The following AXL variants were observed in gnomAD, a reference collection of about 807,000 sequenced individuals.
AXL encodes the protein tyrosine-protein kinase receptor UFO.
A neutral mutation model predicts 104.5 loss-of-function variants in AXL; 52 were observed. That is an observed-to-expected ratio of 0.50 (90% CI 0.40 to 0.63). AXL has a LOEUF of 0.63. Among genes scored for constraint, AXL ranks in the 20% least tolerant of loss-of-function variants. The pLI is 0.00. For synonymous variants in AXL, 455 were observed against 473.7 expected (o/e 0.96, Z 0.51); for missense variants, 1,024 against 1,188.5 (o/e 0.86, Z 2.04).
At chr19:41,233,046 G>A (rs1393110121) in intron 6 of AXL, among the ~76,000 whole-genome samples, 1 of 151,376 alleles carries the variant, frequency 6.6e-6, no homozygotes, top group East Asian at 1.9e-4. Context: ...CTGGAGTGCT[G>A]TGGCGTGATC....
intron 3 of AXL, 52 bp downstream of exon 3, chr19:41,221,298 T>C (rs772705160): frequency 3.8e-5 from 59 of 1,539,254 alleles, no homozygotes; most frequent in Non-Finnish European, 4.9e-5. Flanking sequence ...GTGGCGCTCA[T>C]AGGTTGTGGG....
intron 8 of AXL, 76 bp from the exon 9 acceptor site, chr19:41,239,088 G>A: frequency 1.9e-6 from 3 of 1,545,788 alleles, no homozygotes; most frequent in Non-Finnish European, 2.6e-6. Flanking sequence ...AAAGAGATGG[G>A]GCATTGAGCC....
In AXL at chr19:41,220,745, C is replaced by G; in HGVS notation, c.195C>G (p.Pro65=). 1 of 1,614,146 alleles carries G rather than the reference C, an allele frequency of 6.2e-7. No individual in the cohort carries two copies. Among genetic ancestry groups the G allele is most frequent in the Middle Eastern group, 1.6e-4 (1 of 6,062 alleles). Residue 65 remains proline (P), a synonymous_variant, in exon 2 of 20, where the codon CCC becomes CCG. Transcript: ENST00000301178. ...AGCTCCAGGTTCAGGGAGAGCCCCC[C>G]GAGGTACATTGGCTTCGGGATGGAC... ...RCQLQVQGEP[P]EVHWLRDGQI... is the part of the protein sequence containing the mutation.
intron 18 of AXL, among the ~76,000 whole-genome samples, chr19:41,256,977 G>C (rs556521654): frequency 1.3e-5 from 2 of 152,224 alleles, no homozygotes; most frequent in Non-Finnish European, 2.9e-5. Context: ...GTGATGGTGA[G>C]CATGTGTATG....
Position 41,243,701 on chromosome 19 carries a change from G to A in AXL, c.1531G>A (p.Ala511Thr), listed in dbSNP as rs377666344. Reference protein sequence around the residue: ...RKSYSRRTTEATLNSLGISEE... With the variant: ...RKSYSRRTTETTLNSLGISEE... Reference sequence around the variant, plus strand: ...GTCCTACAGTCGTCGGACCACTGAAGCTACCTGTAAGTGAACCCTATGCCC... The same window carrying A: ...GTCCTACAGTCGTCGGACCACTGAAACTACCTGTAAGTGAACCCTATGCCC... Residue 511 changes from alanine (A) to threonine (T), a missense_variant, in exon 12 of 20, where the codon GCT becomes ACT. Physicochemically the swap from Ala to Thr is moderately conservative, Grantham distance 58 (BLOSUM62 0). Transcript: ENST00000301178. The A allele has an allele frequency of 9.3e-6, 15 of 1,613,622 alleles. No homozygotes were observed. In the African/African-American group the frequency reaches 1.9e-4, roughly 20 times the overall value.
chr19:41,238,101 G>A lies in AXL; in HGVS notation c.941G>A (p.Ser314Asn), dbSNP rs1599733358. ...PYHIRVACTSSQGPSSWTHWL... is the reference protein window; with the variant it reads ...PYHIRVACTSNQGPSSWTHWL... ...CACATCCGCGTGGCATGCACCAGCA[G>A]CCAGGGCCCCTCATCCTGGACCCAC... is the stretch of plus-strand genomic sequence containing the variant. The change falls in exon 7 of 20, where the codon AGC (serine) becomes AAC (asparagine). Residue 314 changes from serine to asparagine, a missense_variant. By Grantham distance (46) the Ser-to-Asn change is conservative. This residue lies in a region of AXL where 332 missense variants were observed against 343.9 expected (regional missense o/e 0.97). Coordinates refer to ENST00000301178, the MANE Select transcript of AXL (RefSeq NM_021913.5). 1 of 1,614,032 alleles carries A rather than the reference G, an allele frequency of 6.2e-7. No homozygotes were observed. Among genetic ancestry groups the A allele is most frequent in the Non-Finnish European group, 8.5e-7 (1 of 1,180,002 alleles).
At chr19:41,240,083 G>A (rs771371144) in intron 10 of AXL, among the ~76,000 whole-genome samples, 2 of 151,438 alleles carry the variant, frequency 1.3e-5, no homozygotes, top group Non-Finnish European at 2.9e-5. Context: ...AGATGGATGG[G>A]TGGATGGATG....
chr19:41,223,325 G>A (rs1409592262), intron 4 of AXL, among the ~76,000 whole-genome samples: 1 of 152,054 alleles, frequency 6.6e-6, no homozygotes, highest in African/African-American at 2.4e-5. Flanking sequence ...ATGAAAGACA[G>A]GACAGGGAAG....
At chr19:41,243,172 A>G (rs1270478405) in intron 11 of AXL, among the ~76,000 whole-genome samples, 157 bp downstream of exon 11, 2 of 152,144 alleles carry the variant, frequency 1.3e-5, no homozygotes, top group Admixed American at 1.3e-4. Context: ...TAATCCCAGC[A>G]CTTTGGGAGG....
At chr19:41,257,709 G>T (rs2034477410) in intron 19 of AXL, 80 bp downstream of exon 19, 2 of 1,562,932 alleles carry the variant, frequency 1.3e-6, no homozygotes, top group Non-Finnish European at 1.8e-6. Context: ...ACAGGTCCAG[G>T]ACTCTCTATA....
intron 17 of AXL, among the ~76,000 whole-genome samples, chr19:41,255,787 C>T (rs200995538): frequency 6.6e-6 from 1 of 151,858 alleles, no homozygotes; most frequent in East Asian, 1.9e-4. Context: ...CTCTGTTGCC[C>T]AGGCTGGAGT....
chr19:41,256,499 A>G lies in AXL; in HGVS notation c.2084A>G (p.Lys695Arg), dbSNP rs369032589. Reference sequence around the variant, plus strand: ...TGTGTGGCGGACTTCGGGCTCTCCAAGAAGATCTACAATGGGGACTACTAC... The same window carrying G: ...TGTGTGGCGGACTTCGGGCTCTCCAGGAAGATCTACAATGGGGACTACTAC... Reference protein sequence around the residue: ...SVCVADFGLSKKIYNGDYYRQ... With the variant: ...SVCVADFGLSRKIYNGDYYRQ... The change falls in exon 18 of 20, where the codon AAG (lysine) becomes AGG (arginine). Residue 695 changes from lysine (K) to arginine (R), a missense_variant. Lys to Arg is a conservative substitution (Grantham distance 26). Transcript: ENST00000301178. 3.1e-6 allele frequency: 5 copies of G among 1,614,026 alleles called. No individual in the cohort carries two copies. The highest frequency in any genetic ancestry group is 3.4e-6 in the Non-Finnish European group (4 of 1,180,020).
chr19:41,228,937 TTTGTC>T (rs538767252), intron 4 of AXL, among the ~76,000 whole-genome samples: 11,842 of 145,750 alleles, frequency 0.081, 629 homozygotes, highest in Non-Finnish European at 0.12. Flanking sequence ...TCTTTCTTTC[TTTGTC>T]TTTTCTTTTC....
chr19:41,219,428 G>A lies in AXL; in HGVS notation c.36G>A (p.Pro12=), dbSNP rs530407469. The change falls in exon 1 of 20, where the codon CCG becomes CCA. Residue 12 remains proline, a synonymous_variant. Coordinates refer to ENST00000301178, the MANE Select transcript of AXL (RefSeq NM_021913.5). ...GGTGCCCCAGGATGGGCAGGGTCCC[G>A]CTGGCCTGGTGCTTGGCGCTGTGCG... The part of the protein sequence containing the change: ...AWRCPRMGRV[P]LAWCLALCGW... 46 of 1,606,066 alleles carry A rather than the reference G, an allele frequency of 2.9e-5. No individual in the cohort carries two copies. The highest frequency in any genetic ancestry group is 5.1e-5 in the Admixed American group (3 of 59,074).
At chr19:41,243,583 T>C (rs555180933) in intron 11 of AXL, 33 bp from the exon 12 acceptor site, 1 of 1,560,330 alleles carries the variant, frequency 6.4e-7, no homozygotes, top group Non-Finnish European at 8.8e-7. Flanking sequence ...ACATGGTTTT[T>C]CCCTGCCCTC....
rs559407943 is a variant in AXL at position 41,230,011 on chromosome 19, G to A, written c.587-956G>A. ...TATGCTTTTGTGTGTCTATGTGTGA[G>A]TATGTATATATGTGTCTATGTCCAT... On this transcript the variant is annotated intron_variant, in intron 4 of 19. Transcript: ENST00000301178. Among the ~76,000 whole-genome samples the A allele has an allele frequency of 6.0e-4, 91 of 152,054 alleles. 1 individual carries two copies. Among genetic ancestry groups the A allele is most frequent in the African/African-American group, 2.2e-3 (90 of 41,454 alleles).
intron 1 of AXL, chr19:41,220,406 C>G (rs1335887666): frequency 1.9e-6 from 1 of 514,462 alleles, no homozygotes; most frequent in Non-Finnish European, 3.5e-6. Context: ...TGCCAGATCC[C>G]GAGCCTCCTT....
chr19:41,256,691 G>GTGACT lies in AXL; in HGVS notation c.2196+80_2196+81insTGACT. 4 of 1,563,650 alleles carry GTGACT rather than the reference G, an allele frequency of 2.6e-6. No homozygotes were observed. The South Asian group carries it at 3.4e-5, about 13-fold the overall frequency. ...CACACACTATGCCTGGGTGGCTGTGGATGCAAGGGTCACAGGGACATGTGG... is the reference window on the plus strand; with the variant it reads ...CACACACTATGCCTGGGTGGCTGTGGTGACTATGCAAGGGTCACAGGGACATGTGG... On this transcript the variant is annotated intron_variant, in intron 18 of 19. Coordinates refer to ENST00000301178, the MANE Select transcript of AXL (RefSeq NM_021913.5).
chr19:41,256,671 A>G, intron 18 of AXL, 60 bp downstream of exon 18: 2 of 1,590,348 alleles, frequency 1.3e-6, no homozygotes, highest in Non-Finnish European at 1.7e-6. Context: ...ACCATCACAC[A>G]CTATGCCTGG....
Sources: gnomAD v4.1 joint callset for allele counts (sites outside exome capture counted in the v4.1 genomes callset) on GRCh38, gnomAD v4.1.1 for gene constraint, gnomAD v4.1.1 regional missense constraint, MANE v1.5 for transcripts, NCBI Gene and HGNC (gene_info 2026-07-23, HGNC 2026-07-21) for gene names.